MFSD8: variants seen among roughly 807,000 people sequenced by gnomAD.
MFSD8 encodes major facilitator superfamily domain containing 8.
Under a neutral mutation model 66.4 loss-of-function variants are expected in MFSD8, and 55 were observed. The observed-to-expected ratio is 0.83, with a 90% CI of 0.67 to 1.04. The LOEUF (loss-of-function observed/expected upper bound fraction) is 1.04. Ranked by LOEUF, MFSD8 falls within the 50% of genes least tolerant of loss-of-function variation. MFSD8 has a pLI of 0.00. For synonymous variants in MFSD8, 202 were observed against 212.8 expected, an observed-to-expected ratio of 0.95 and a Z score of 0.44; for missense variants, 550 against 627.6, an observed-to-expected ratio of 0.88 and a Z score of 1.32.
At position 127,920,503 on chromosome 4, in the gene MFSD8, C is replaced by G; in HGVS notation, c.*127G>C. On this transcript the variant is annotated 3_prime_UTR_variant, in exon 12 of 12. Transcript: ENST00000641686. ...TTCTCTCTGTTATTCAACATATGTTCTTGTTCTTCAAAATCTGCAATATCT... is the reference window on the plus strand; with the variant it reads ...TTCTCTCTGTTATTCAACATATGTTGTTGTTCTTCAAAATCTGCAATATCT... 1 of 886,274 alleles carries G rather than the reference C, an allele frequency of 1.1e-6. No individual in the cohort carries two copies. Among genetic ancestry groups the G allele is most frequent in the South Asian group, 1.3e-5 (1 of 74,776 alleles). The allele number at this position is 886,274 out of a possible 1,614,324, so 54.9% of individuals were successfully genotyped here. A position where few individuals can be genotyped will look rare whatever the true frequency, so the allele number is the denominator to read the frequency against.
In MFSD8 at chr4:127,921,923, C is replaced by CA; in HGVS notation, c.1038dup (p.Val347CysfsTer26). 6.2e-7 allele frequency: 1 copy of CA among 1,614,158 alleles called. No individual in the cohort carries two copies. Among genetic ancestry groups the CA allele is most frequent in the Non-Finnish European group, 8.5e-7 (1 of 1,180,036 alleles). Reference sequence around the variant, plus strand: ...AACAAGATAAAGAAGCCAACCCATACAACGATGAGTCCTCCCAGTAGAATA... The same window carrying CA: ...AACAAGATAAAGAAGCCAACCCATACAAACGATGAGTCCTCCCAGTAGAATA... On this transcript the variant is annotated frameshift_variant, in exon 10 of 12. Transcript: ENST00000641686. LOFTEE classifies it high-confidence loss of function.
chr4:127,931,509 C>T (rs922204477), intron 8 of MFSD8, among the ~76,000 whole-genome samples: 2 of 152,116 alleles, frequency 1.3e-5, no homozygotes, highest in African/African-American at 4.8e-5. Flanking sequence ...AGGCGCCTGC[C>T]ACCATACCCA....
At chr4:127,936,453 C>T (rs1485171169) in intron 7 of MFSD8, among the ~76,000 whole-genome samples, 2 of 151,866 alleles carry the variant, frequency 1.3e-5, no homozygotes, top group East Asian at 3.9e-4. Context: ...TTTCCAGGTG[C>T]AGTGGCTCAC....
At chr4:127,944,115 T>C in intron 3 of MFSD8, 123 bp from the exon 4 acceptor site, 3 of 1,302,188 alleles carry the variant, frequency 2.3e-6, no homozygotes, top group Non-Finnish European at 3.2e-6. Flanking sequence ...GTATAAGTTT[T>C]ATAACACTAT....
At position 127,939,887 on chromosome 4, in the gene MFSD8, T is replaced by C; in HGVS notation, c.664A>G (p.Ile222Val). 1 of 1,613,466 alleles carries C rather than the reference T, an allele frequency of 6.2e-7. No homozygotes were observed. Among genetic ancestry groups the C allele is most frequent in the South Asian group, 1.1e-5 (1 of 91,034 alleles). The change falls in exon 6 of 12, where the codon ATT becomes GTT. Residue 222 changes from isoleucine (I) to valine (V), a missense_variant. Ile to Val is a conservative substitution (Grantham distance 29, BLOSUM62 3). Transcript: ENST00000641686. ...TPVLLSAFLG[I>V]LNIILILAIL... ...GCAAGGATCAGAATAATATTTAAAATTCCCAGGAAGGCGCTAAGTAAAACT... is the reference window on the plus strand; with the variant it reads ...GCAAGGATCAGAATAATATTTAAAACTCCCAGGAAGGCGCTAAGTAAAACT...
Position 127,920,558 on chromosome 4 carries a change from G to T in MFSD8, c.*72C>A, listed in dbSNP as rs1422078019. 16 of 1,480,672 alleles carry T rather than the reference G, an allele frequency of 1.1e-5. No homozygotes were observed. Among genetic ancestry groups the T allele is most frequent in the Middle Eastern group, 3.4e-4 (2 of 5,830 alleles). The allele number at this position is 1,480,672 out of a possible 1,614,324, so 91.7% of individuals were successfully genotyped here. Reference sequence around the variant, plus strand: ...TCTGATTCTTGGAGACTGGCTCACCGCAATTGTCTAGCAGAGCTTTAGACC... The same window carrying T: ...TCTGATTCTTGGAGACTGGCTCACCTCAATTGTCTAGCAGAGCTTTAGACC... On this transcript the variant is annotated 3_prime_UTR_variant, in exon 12 of 12. Coordinates refer to ENST00000641686, the MANE Select transcript of MFSD8 (RefSeq NM_001371596.2).
At chr4:127,965,649 C>T (rs1745050874), upstream of MFSD8, 1 of 185,606 alleles carries the variant, frequency 5.4e-6, no homozygotes, top group African/African-American at 2.4e-5. Flanking sequence ...GCTAAGAGCT[C>T]CCCGCGCCTC....
intron 6 of MFSD8, chr4:127,939,065 C>T (rs1211416413): frequency 1.7e-5 from 6 of 361,008 alleles, no homozygotes; most frequent in Non-Finnish European, 3.0e-5. Context: ...TCCAACTCAT[C>T]CTAAAGCATA....
chr4:127,924,107 G>A (rs1464113671), intron 9 of MFSD8, among the ~76,000 whole-genome samples: 1 of 152,104 alleles, frequency 6.6e-6, no homozygotes, highest in Non-Finnish European at 1.5e-5. Flanking sequence ...ATTCGGCTGT[G>A]AATCTATCTG....
chr4:127,955,779 G>A (rs1742750364), intron 2 of MFSD8, among the ~76,000 whole-genome samples: 1 of 152,100 alleles, frequency 6.6e-6, no homozygotes, highest in Non-Finnish European at 1.5e-5. Context: ...TCTGTCTTGG[G>A]ACATTAAGAC....
chr4:127,923,482 TG>T (rs1183831432), intron 9 of MFSD8, among the ~76,000 whole-genome samples: 3 of 151,812 alleles, frequency 2.0e-5, no homozygotes, highest in Non-Finnish European at 2.9e-5. Context: ...GAAGCAGATT[TG>T]ATCGTGGTGG....
chr4:127,950,086 C>A (rs1741697541), intron 2 of MFSD8, among the ~76,000 whole-genome samples: 1 of 152,208 alleles, frequency 6.6e-6, no homozygotes, highest in African/African-American at 2.4e-5. Flanking sequence ...GGATCTACTT[C>A]TCCATACTCA....
intron 5 of MFSD8, 86 bp from the exon 6 acceptor site, chr4:127,940,083 G>A (rs1739889777): frequency 8.0e-7 from 1 of 1,249,094 alleles, no homozygotes; most frequent in Admixed American, 1.8e-5. Context: ...AACAGAATTG[G>A]GAACAATGTT....
upstream of MFSD8, chr4:127,965,343 C>G: frequency 1.6e-6 from 1 of 631,358 alleles, no homozygotes; most frequent in Non-Finnish European, 2.8e-6. Context: ...TCAGCCTCCT[C>G]CCTCGGCACG....
intron 2 of MFSD8, among the ~76,000 whole-genome samples, chr4:127,956,032 T>C (rs1161520908): frequency 6.6e-6 from 1 of 151,824 alleles, no homozygotes; most frequent in Non-Finnish European, 1.5e-5. Flanking sequence ...GGCACAAGAA[T>C]TGCTCGAACC....
intron 5 of MFSD8, among the ~76,000 whole-genome samples, chr4:127,941,175 T>C (rs1467574746): frequency 6.6e-6 from 1 of 152,212 alleles, no homozygotes; most frequent in Admixed American, 6.5e-5. Context: ...GTGCTTGTAT[T>C]TGTTTCAGGG....
At chr4:127,921,997 T>A in intron 9 of MFSD8, 34 bp from the exon 10 acceptor site, 1 of 1,553,528 alleles carries the variant, frequency 6.4e-7, no homozygotes, top group Non-Finnish European at 8.9e-7. Context: ...AATTTTAAAA[T>A]GAAACATTAT....
intron 5 of MFSD8, 127 bp downstream of exon 5, chr4:127,941,916 TAA>T: frequency 1.5e-6 from 1 of 686,994 alleles, no homozygotes; most frequent in Non-Finnish European, 2.6e-6. Context: ...ATTCCTGGAT[TAA>T]AAAAAAAATT....
chr4:127,964,417 C>A (rs1003944062), intron 1 of MFSD8, among the ~76,000 whole-genome samples: 6 of 152,226 alleles, frequency 3.9e-5, no homozygotes, highest in Admixed American at 3.9e-4. Context: ...AGAAATCGAG[C>A]GCAGCGCCAG....
Sources: gnomAD v4.1 joint callset for allele counts (sites outside exome capture counted in the v4.1 genomes callset) on GRCh38, gnomAD v4.1.1 for gene constraint, MANE v1.5 for transcripts, NCBI Gene and HGNC (gene_info 2026-07-23, HGNC 2026-07-21) for gene names.